The following ANKRD13C variants were observed in gnomAD, a reference collection of about 807,000 sequenced individuals.
The protein encoded by ANKRD13C is ankyrin repeat domain 13C.
ANKRD13C carries 16 observed loss-of-function variants against 65.5 expected under a neutral mutation model. That is an observed-to-expected ratio of 0.24 (90% CI 0.17 to 0.37). The LOEUF (loss-of-function observed/expected upper bound fraction) is 0.37. ANKRD13C is among the 10% of genes least tolerant of loss of function. The pLI, the probability that ANKRD13C is intolerant of heterozygous loss-of-function variation, is 1.00. For synonymous variants in ANKRD13C, 235 were observed against 238.7 expected (o/e 0.98, Z 0.14); for missense variants, 503 against 655.9 (o/e 0.77, Z 2.55).
Position 70,276,836 on chromosome 1 carries a change from T to C in ANKRD13C, c.1224A>G (p.Arg408=). The C allele has an allele frequency of 6.3e-7, 1 of 1,592,000 alleles. No individual in the cohort carries two copies. The change falls in exon 10 of 13, where the codon CGA becomes CGG. Residue 408 remains arginine, a synonymous_variant. Coordinates refer to ENST00000370944, the MANE Select transcript of ANKRD13C (RefSeq NM_030816.5). ...NIMEQNFEPI[R]RQSLTPPPQN... is the part of the protein sequence containing the mutation. ...GAGGAGGAGGTGTAAGAGACTGTCT[T>C]CGAATCGGCTGCCAAAAAAAAAAAA...
chr1:70,348,300 T>C (rs1188475164), intron 1 of ANKRD13C, among the ~76,000 whole-genome samples: 7 of 151,820 alleles, frequency 4.6e-5, no homozygotes, highest in Admixed American at 1.3e-4. Flanking sequence ...TTTTTTGAGA[T>C]GGAATTTAGC....
intron 7 of ANKRD13C, among the ~76,000 whole-genome samples, chr1:70,300,153 G>A (rs1490083658): frequency 6.6e-6 from 1 of 152,132 alleles, no homozygotes; most frequent in Non-Finnish European, 1.5e-5. Context: ...ACATGGTAAA[G>A]GTCCAGCACA....
chr1:70,314,326 C>T (rs1447756635), intron 4 of ANKRD13C, among the ~76,000 whole-genome samples: 2 of 151,742 alleles, frequency 1.3e-5, no homozygotes, highest in Non-Finnish European at 2.9e-5. Flanking sequence ...TCAAGCAATT[C>T]TCCTATCCCA....
intron 3 of ANKRD13C, among the ~76,000 whole-genome samples, chr1:70,321,227 TAC>T (rs1681293268): frequency 1.3e-5 from 2 of 152,270 alleles, no homozygotes; most frequent in East Asian, 3.9e-4. Context: ...ATTATCAAGA[TAC>T]ACAGAGTAGG....
At chr1:70,300,488 T>C (rs1391835541) in intron 7 of ANKRD13C, among the ~76,000 whole-genome samples, 1 of 152,026 alleles carries the variant, frequency 6.6e-6, no homozygotes, top group Non-Finnish European at 1.5e-5. Context: ...CCCTGAAGGC[T>C]GAGGCTGAAG....
chr1:70,266,174 A>AC (rs1572012437), intron 12 of ANKRD13C, among the ~76,000 whole-genome samples: 1 of 152,100 alleles, frequency 6.6e-6, no homozygotes, highest in African/African-American at 2.4e-5. Context: ...CCTGGCATCC[A>AC]CTCAACTGTT....
At chr1:70,285,892 G>A (rs962262669) in intron 9 of ANKRD13C, among the ~76,000 whole-genome samples, 5 of 151,994 alleles carry the variant, frequency 3.3e-5, no homozygotes, top group Non-Finnish European at 7.4e-5. Flanking sequence ...TGCCGGCCAA[G>A]TTAAACTTAT....
chr1:70,308,052 CATTA>C (rs1482746731), intron 5 of ANKRD13C, among the ~76,000 whole-genome samples: 1 of 152,174 alleles, frequency 6.6e-6, no homozygotes, highest in East Asian at 1.9e-4. Context: ...CTTTCATGCT[CATTA>C]ATTGAGATCC....
chr1:70,268,869 TTTTTGA>T (rs1178235856), intron 12 of ANKRD13C, among the ~76,000 whole-genome samples: 3 of 152,074 alleles, frequency 2.0e-5, no homozygotes, highest in African/African-American at 7.3e-5. Context: ...CCAAAATTTT[TTTTTGA>T]TTTTTTAGTT....
rs1316314301 is a variant in ANKRD13C, at chr1:70,262,729, A to G, written c.1614T>C (p.Phe538=). 1.9e-6 allele frequency: 3 copies of G among 1,612,460 alleles called. No individual in the cohort carries two copies. In the Admixed American group the frequency reaches 5.0e-5, roughly 27 times the overall value. The change falls in exon 13 of 13, where the codon TTT becomes TTC. Residue 538 remains phenylalanine, a synonymous_variant. Coordinates refer to ENST00000370944, the MANE Select transcript of ANKRD13C (RefSeq NM_030816.5). ...PDDYKEDPSR[F]PDL ...TTTTCCACGTCAGTTAAAGATCAGGAAAACGGCTTGGGTCTTCCTTGTAGT... is the reference window on the plus strand; with the variant it reads ...TTTTCCACGTCAGTTAAAGATCAGGGAAACGGCTTGGGTCTTCCTTGTAGT...
At position 70,353,641 on chromosome 1, in the gene ANKRD13C, T is replaced by C. The variant is rs756372250; in HGVS notation, c.430+338A>G. The stretch of plus-strand genomic sequence containing the variant: ...GGGGGAAGAGAGAGAAATAAAGATA[T>C]ATAGCTCCATAAACAAAGGGAGAAA... On this transcript the variant is annotated intron_variant, in intron 1 of 12. Transcript: ENST00000370944. Among the ~76,000 whole-genome samples, 5 of 152,108 alleles carry C rather than the reference T, an allele frequency of 3.3e-5. 1 individual carries two copies. The highest frequency in any genetic ancestry group is 1.3e-4 in the Admixed American group (2 of 15,274).
intron 11 of ANKRD13C, among the ~76,000 whole-genome samples, chr1:70,271,694 G>A (rs1163527348): frequency 6.6e-6 from 1 of 152,142 alleles, no homozygotes; most frequent in Non-Finnish European, 1.5e-5. Flanking sequence ...ATCAACAACT[G>A]AAGCCCAATA....
At chr1:70,264,681 G>A (rs1292040966) in intron 12 of ANKRD13C, among the ~76,000 whole-genome samples, 1 of 151,898 alleles carries the variant, frequency 6.6e-6, no homozygotes, top group Non-Finnish European at 1.5e-5. Context: ...TGCTGACCCC[G>A]TTCTAGGTTT....
At chr1:70,321,046 T>C (rs1455446284) in intron 3 of ANKRD13C, among the ~76,000 whole-genome samples, 1 of 152,198 alleles carries the variant, frequency 6.6e-6, no homozygotes, top group Non-Finnish European at 1.5e-5. Context: ...CTGGGGTTAC[T>C]GGCATCTAAT....
intron 6 of ANKRD13C, among the ~76,000 whole-genome samples, chr1:70,301,386 C>A (rs974162606): frequency 1.1e-4 from 17 of 152,076 alleles, no homozygotes; most frequent in African/African-American, 3.9e-4. Context: ...TTATTCGATC[C>A]CTTTAAGACC....
intron 9 of ANKRD13C, among the ~76,000 whole-genome samples, chr1:70,280,289 A>G (rs1679329753): frequency 1.3e-5 from 2 of 152,318 alleles, no homozygotes; most frequent in South Asian, 2.1e-4. Flanking sequence ...AGGGTAGCCA[A>G]AAGACGTGGA....
chr1:70,354,324 C>G lies in ANKRD13C; in HGVS notation c.85G>C (p.Glu29Gln). 6.2e-7 allele frequency: 1 copy of G among 1,614,170 alleles called. No individual in the cohort carries two copies. Among genetic ancestry groups the G allele is most frequent in the South Asian group, 1.1e-5 (1 of 91,082 alleles). ...GTACCGCCGAGGGCAGCCGCCGCTT[C>G]CTCATCCCCGGGCTCCAGCAGGTCC... is the stretch of plus-strand genomic sequence containing the variant. ...EGDLLEPGDE[E>Q]AAAALGGTFT... The change falls in exon 1 of 13, where the codon GAA (glutamate) becomes CAA (glutamine). Residue 29 changes from glutamate (E) to glutamine (Q), a missense_variant. Physicochemically the swap from Glu to Gln is conservative, Grantham distance 29. Transcript: ENST00000370944.
At chr1:70,296,686 T>C (rs1680094296) in intron 7 of ANKRD13C, among the ~76,000 whole-genome samples, 1 of 152,210 alleles carries the variant, frequency 6.6e-6, no homozygotes. Flanking sequence ...CTTTAGTTCT[T>C]CTTAATGCAA....
intron 7 of ANKRD13C, among the ~76,000 whole-genome samples, chr1:70,297,874 G>A (rs1226214859): frequency 2.7e-5 from 4 of 147,294 alleles, no homozygotes; most frequent in African/African-American, 1.0e-4. Flanking sequence ...GATCAATCAC[G>A]CCACTGCACT....
Sources: allele counts gnomAD v4.1 joint callset (sites outside exome capture counted in the v4.1 genomes callset), GRCh38; gene constraint gnomAD v4.1.1; transcripts MANE v1.5; gene names NCBI Gene and HGNC (gene_info 2026-07-23, HGNC 2026-07-21).